Variants in GNA13 observed in about 807,000 individuals in gnomAD.
GNA13 encodes the protein G protein subunit alpha 13, also known as guanine nucleotide-binding protein subunit alpha-13.
A neutral mutation model predicts 33.5 loss-of-function variants in GNA13; 4 were observed. That is an observed-to-expected ratio of 0.12 (90% CI 0.06 to 0.27). The LOEUF is 0.27. Ranked by LOEUF, GNA13 falls within the 10% of genes least tolerant of loss-of-function variation. The pLI is 1.00. For missense variants in GNA13, 319 were observed against 487.2 expected, an observed-to-expected ratio of 0.65 and a Z score of 3.25; for synonymous variants, 176 against 183.8, an observed-to-expected ratio of 0.96 and a Z score of 0.34.
At chr17:65,051,650 G>A (rs898550264) in intron 2 of GNA13, among the ~76,000 whole-genome samples, 4 of 152,218 alleles carry the variant, frequency 2.6e-5, no homozygotes, top group African/African-American at 7.2e-5. Flanking sequence ...AGTGATGGGC[G>A]ATGGAAAGGG....
rs1385244619 is a variant in GNA13, at chr17:65,012,715, C to A, written c.*1542G>T. 1 of 227,158 alleles carries A rather than the reference C, an allele frequency of 4.4e-6. No individual in the cohort carries two copies. Among genetic ancestry groups the A allele is most frequent in the Admixed American group, 5.7e-5 (1 of 17,604 alleles). 14.1% of individuals were successfully genotyped at this position (227,158 alleles called of 1,614,324 possible). The stretch of plus-strand genomic sequence containing the variant: ...CTTGGAAAGGCTGGGTGATCCATAA[C>A]GACCAATCTTTCAAGGACCAATAAA... On this transcript the variant is annotated 3_prime_UTR_variant, in exon 4 of 4. Coordinates refer to ENST00000439174, the MANE Select transcript of GNA13 (RefSeq NM_006572.6).
rs144892852 is a variant in GNA13, at chr17:65,009,940, G to A, written c.*4317C>T. Among the ~76,000 whole-genome samples, 2 of 152,032 alleles carry A rather than the reference G, an allele frequency of 1.3e-5. No homozygotes were observed. Among genetic ancestry groups the A allele is most frequent in the South Asian group, 2.1e-4 (1 of 4,824 alleles). On this transcript the variant is annotated 3_prime_UTR_variant, in exon 4 of 4. Transcript: ENST00000439174. ...AGTCACATACCAAGTAGTATATGAC[G>A]TTCAGTGATATTCACTGACTGAAAT...
chr17:65,025,884 G>C (rs1213642082), intron 2 of GNA13, among the ~76,000 whole-genome samples: 1 of 151,706 alleles, frequency 6.6e-6, no homozygotes, highest in African/African-American at 2.4e-5. Flanking sequence ...TATTTGGGAG[G>C]CTGAGGTGGG....
At chr17:65,023,928 A>C (rs1452212940) in intron 2 of GNA13, among the ~76,000 whole-genome samples, 2 of 152,234 alleles carry the variant, frequency 1.3e-5, no homozygotes, top group East Asian at 3.8e-4. Context: ...TTCTGTAAGT[A>C]TCTCTCAAGC....
At chr17:65,027,481 G>C (rs908869507) in intron 2 of GNA13, among the ~76,000 whole-genome samples, 1 of 151,920 alleles carries the variant, frequency 6.6e-6, no homozygotes, top group African/African-American at 2.4e-5. Flanking sequence ...AAAACCTTTT[G>C]CTTAAATTTC....
chr17:65,034,150 T>G (rs1907160207), intron 2 of GNA13, among the ~76,000 whole-genome samples: 1 of 151,664 alleles, frequency 6.6e-6, no homozygotes, highest in Non-Finnish European at 1.5e-5. Flanking sequence ...TATAATAGCA[T>G]AAGTAGAATA....
chr17:65,053,566 A>G lies in GNA13; in HGVS notation c.446T>C (p.Ile149Thr). ...GCCGCTGTCTGCCCATAATGCTCTT[A>G]TAGCAGGAAGATATTGTAAGAAAAC... ...TRVFLQYLPA[I>T]RALWADSGIQ... Residue 149 changes from isoleucine to threonine, a missense_variant, in exon 2 of 4, where the codon ATA becomes ACA. By Grantham distance (89) the Ile-to-Thr change is moderately conservative. Around this residue, in one of 4 missense-constraint regions of GNA13, gnomAD observed 136 missense variants for 159.3 expected, o/e 0.85. Transcript: ENST00000439174. The G allele has an allele frequency of 3.1e-6, 5 of 1,614,056 alleles. No individual in the cohort carries two copies. The highest frequency in any genetic ancestry group is 4.2e-6 in the Non-Finnish European group (5 of 1,179,870).
intron 2 of GNA13, among the ~76,000 whole-genome samples, chr17:65,048,348 A>G (rs936501443): frequency 2.0e-5 from 3 of 152,122 alleles, no homozygotes; most frequent in Non-Finnish European, 4.4e-5. Context: ...CTGAGTTACC[A>G]AATTATCTAG....
At position 65,013,096 on chromosome 17, in the gene GNA13, T is replaced by A. The variant is rs952251595; in HGVS notation, c.*1161A>T. 15 of 205,268 alleles carry A rather than the reference T, an allele frequency of 7.3e-5. No homozygotes were observed. The highest frequency in any genetic ancestry group is 3.2e-4 in the African/African-American group (14 of 43,792). 12.7% of individuals were successfully genotyped at this position (205,268 alleles called of 1,614,324 possible). Reference sequence around the variant, plus strand: ...CATTTAAAATATACCTCAAAAAAGCTGGACTTTCAACAACAACAATTATAC... The same window carrying A: ...CATTTAAAATATACCTCAAAAAAGCAGGACTTTCAACAACAACAATTATAC... On this transcript the variant is annotated 3_prime_UTR_variant, in exon 4 of 4. Coordinates refer to ENST00000439174, the MANE Select transcript of GNA13 (RefSeq NM_006572.6).
In GNA13 at chr17:65,011,804, C is replaced by T. The variant is rs8076826; in HGVS notation, c.*2453G>A. Reference sequence around the variant, plus strand: ...GTTTGCATAGTGAAATTATGAGCACCTTTTCAATTCTGTTCACTAAATTTC... The same window carrying T: ...GTTTGCATAGTGAAATTATGAGCACTTTTTCAATTCTGTTCACTAAATTTC... On this transcript the variant is annotated 3_prime_UTR_variant, in exon 4 of 4. Transcript: ENST00000439174. 6.4e-3 allele frequency: 1,465 copies of T among 228,292 alleles called. 19 individuals are homozygous for T. The highest frequency in any genetic ancestry group is 0.03 in the African/African-American group (1,335 of 45,154). 14.1% of individuals were successfully genotyped at this position (228,292 alleles called of 1,614,324 possible).
At chr17:65,056,264 CCAG>C in intron 1 of GNA13, 44 bp downstream of exon 1, 5 of 1,270,926 alleles carry the variant, frequency 3.9e-6, no homozygotes, top group South Asian at 1.3e-5. Context: ...CGCCGCCGCC[CCAG>C]CCCCCCTGCC....
intron 2 of GNA13, among the ~76,000 whole-genome samples, chr17:65,031,253 C>T (rs78971824): frequency 0.039 from 5,983 of 152,196 alleles, 355 homozygotes; most frequent in African/African-American, 0.13. Context: ...TGTATCTAAA[C>T]ATAGGAAAGG....
In GNA13 at chr17:65,019,183, G is replaced by A. The variant is rs536596096; in HGVS notation, c.511-880C>T. ...GCAGGCTCCGGTTTAGTAGGTCTGGGTGGGACCCCAGTTTCTGCAATTCAA... is the reference window on the plus strand; with the variant it reads ...GCAGGCTCCGGTTTAGTAGGTCTGGATGGGACCCCAGTTTCTGCAATTCAA... On this transcript the variant is annotated intron_variant, in intron 2 of 3. Transcript: ENST00000439174. Among the ~76,000 whole-genome samples the A allele has an allele frequency of 2.0e-5, 3 of 152,122 alleles. No individual in the cohort carries two copies. In the South Asian group the frequency reaches 6.2e-4, roughly 32 times the overall value.
chr17:65,040,537 GCT>G (rs1907416204), intron 2 of GNA13, among the ~76,000 whole-genome samples: 1 of 152,004 alleles, frequency 6.6e-6, no homozygotes, highest in South Asian at 2.1e-4. Context: ...ACGGAGTCTT[GCT>G]CTGTCACCAG....
At position 65,056,571 on chromosome 17, in the gene GNA13, C is replaced by G; in HGVS notation, c.23G>C (p.Arg8Pro). The change falls in exon 1 of 4, where the codon CGG becomes CCG. Residue 8 changes from arginine (R) to proline (P), a missense_variant. Physicochemically the swap from Arg to Pro is moderately radical, Grantham distance 103. Transcript: ENST00000439174. MADFLPSRSVLSVCFPGC... is the reference protein window; with the variant it reads MADFLPSPSVLSVCFPGC... ...GGGGAAGCACACGGACAGCACGGAC[C>G]GCGACGGCAGGAAGTCCGCCATCTT... The G allele has an allele frequency of 6.2e-7, 1 of 1,607,482 alleles. No homozygotes were observed. The highest frequency in any genetic ancestry group is 8.5e-7 in the Non-Finnish European group (1 of 1,178,070).
intron 2 of GNA13, among the ~76,000 whole-genome samples, chr17:65,043,253 G>T (rs556700571): frequency 2.0e-5 from 3 of 151,552 alleles, no homozygotes; most frequent in Non-Finnish European, 2.9e-5. Context: ...AAAATGTTTT[G>T]CAATATATAC....
intron 2 of GNA13, among the ~76,000 whole-genome samples, chr17:65,043,997 C>A (rs1907560969): frequency 6.6e-6 from 1 of 152,112 alleles, no homozygotes; most frequent in African/African-American, 2.4e-5. Flanking sequence ...TAGTATGAGC[C>A]AGTAATCTCA....
rs759273182 is a variant in GNA13 at position 65,014,731 on chromosome 17, C to T, written c.660G>A (p.Met220Ile). ...CTGATCTCTGACCACCTACATCAAC[C>T]ATTTTGAAAGGAACATTTTTTATTT... ...DFEIKNVPFK[M>I]VDVGGQRSER... is the part of the protein sequence containing the mutation. Residue 220 changes from methionine to isoleucine, a missense_variant, in exon 4 of 4, where the codon ATG (methionine) becomes ATA (isoleucine). Met to Ile is a conservative substitution (Grantham distance 10). Coordinates refer to ENST00000439174, the MANE Select transcript of GNA13 (RefSeq NM_006572.6). This position sits in a 1 kb window ranked among gnomAD's most constrained non-coding sequence, Gnocchi z 5.3. 17 of 1,613,764 alleles carry T rather than the reference C, an allele frequency of 1.1e-5. No homozygotes were observed. The highest frequency in any genetic ancestry group is 1.4e-5 in the Non-Finnish European group (16 of 1,179,716).
chr17:65,056,673 C>G lies in GNA13; in HGVS notation c.-80G>C. ...CTCCGGCGGCGGGCGGCTCCGGCAC[C>G]GAGGCTCGAGGGCGGGGAGCGCGGC... is the stretch of plus-strand genomic sequence containing the variant. On this transcript the variant is annotated 5_prime_UTR_variant, in exon 1 of 4. Coordinates refer to ENST00000439174, the MANE Select transcript of GNA13 (RefSeq NM_006572.6). The G allele has an allele frequency of 1.8e-6, 2 of 1,104,240 alleles. No homozygotes were observed. Among genetic ancestry groups the G allele is most frequent in the Non-Finnish European group, 2.4e-6 (2 of 836,936 alleles). 68.4% of individuals were successfully genotyped at this position (1,104,240 alleles called of 1,614,324 possible).
Sources: allele counts gnomAD v4.1 joint callset (sites outside exome capture counted in the v4.1 genomes callset), GRCh38; gene constraint gnomAD v4.1.1; regional missense constraint gnomAD v4.1.1; non-coding constraint Gnocchi (gnomAD v3.1); transcripts MANE v1.5; gene names NCBI Gene and HGNC (gene_info 2026-07-23, HGNC 2026-07-21).